The following LINGO2 variants were observed in gnomAD, a reference collection of about 807,000 sequenced individuals.
The protein encoded by LINGO2 is leucine-rich repeat and immunoglobulin-like domain-containing nogo receptor-interacting protein 2.
A neutral mutation model predicts 30.6 loss-of-function variants in LINGO2; 14 were observed. The observed-to-expected ratio is 0.46, with a 90% confidence interval of 0.30 to 0.72. The LOEUF is 0.72. Ranked by LOEUF, LINGO2 falls within the 30% of genes least tolerant of loss-of-function variation. The pLI is 0.07. For missense variants in LINGO2, 729 were observed against 751.7 expected (o/e 0.97, Z 0.35); for synonymous variants, 317 against 288.5 (o/e 1.10, Z -1.00).
At chr9:28,033,776 G>A (rs1423300451) in intron 4 of LINGO2, among the ~76,000 whole-genome samples, 10 of 152,162 alleles carry the variant, frequency 6.6e-5, no homozygotes, top group Admixed American at 2.0e-4. Context: ...TGCTAAATTC[G>A]TTAGGAAGAC....
chr9:28,766,698 T>G, the LINGO2 span, among the ~76,000 whole-genome samples: 1 of 151,456 alleles, frequency 6.6e-6, no homozygotes, highest in Admixed American at 6.6e-5. Context: ...AATGAATGGA[T>G]CAATACACTG....
intron 5 of LINGO2, among the ~76,000 whole-genome samples, chr9:28,001,403 A>G (rs527755641): frequency 1.3e-4 from 14 of 108,972 alleles, no homozygotes; most frequent in African/African-American, 3.8e-4. Flanking sequence ...ATCACAAGTT[A>G]TACAATAAGC....
intron 1 of LINGO2, among the ~76,000 whole-genome samples, chr9:28,530,560 TC>T (rs1486099008): frequency 6.6e-6 from 1 of 152,144 alleles, no homozygotes; most frequent in Non-Finnish European, 1.5e-5. Flanking sequence ...AAAGTGCACA[TC>T]CAAGAAACTA....
At chr9:29,131,613 T>C in the LINGO2 span, among the ~76,000 whole-genome samples, 1 of 152,100 alleles carries the variant, frequency 6.6e-6, no homozygotes, top group Non-Finnish European at 1.5e-5. Flanking sequence ...CCAGTATTAA[T>C]GTAAACAGAG....
chr9:28,332,312 C>T (rs771193339), intron 3 of LINGO2, among the ~76,000 whole-genome samples: 7 of 151,976 alleles, frequency 4.6e-5, no homozygotes, highest in African/African-American at 7.3e-5. Flanking sequence ...CTTTCAAAAC[C>T]GCAATTACTT....
At chr9:28,521,447 C>T (rs541881319) in intron 1 of LINGO2, among the ~76,000 whole-genome samples, 41 of 152,192 alleles carry the variant, frequency 2.7e-4, no homozygotes, top group African/African-American at 9.4e-4. Context: ...GGTTTGTAAG[C>T]CATTCACCAA....
chr9:28,516,690 C>T lies in LINGO2; in HGVS notation c.-364-40665G>A, dbSNP rs80353543. ...CAATATTTGATATTCTCATCAACAT[C>T]GCTGTTGTTGCAGTGTTACTGACAC... is the stretch of plus-strand genomic sequence containing the variant. On this transcript the variant is annotated intron_variant, in intron 1 of 5. Coordinates refer to ENST00000379992, the Ensembl canonical transcript of LINGO2. Among the ~76,000 whole-genome samples, 458 of 152,272 alleles carry T rather than the reference C, an allele frequency of 3.0e-3. 13 individuals are homozygous for T. In the East Asian group the frequency reaches 0.053, roughly 18 times the overall value.
At chr9:28,763,239 A>G in the LINGO2 span, among the ~76,000 whole-genome samples, 8 of 151,984 alleles carry the variant, frequency 5.3e-5, no homozygotes, top group Non-Finnish European at 4.4e-5. Flanking sequence ...CAGAGAATAC[A>G]CTCTTCCCAA....
intron 4 of LINGO2, among the ~76,000 whole-genome samples, chr9:28,060,690 T>C (rs1186188627): frequency 6.6e-6 from 1 of 152,092 alleles, no homozygotes; most frequent in Non-Finnish European, 1.5e-5. Context: ...TAAATGTAAG[T>C]GCAAAGAAGT....
At position 28,245,589 on chromosome 9, in the gene LINGO2, G is replaced by T. The variant is rs921473975; in HGVS notation, c.-87+49619C>A. 2.6e-5 allele frequency among the ~76,000 whole-genome samples: 4 copies of T among 152,244 alleles called. No homozygotes were observed. The South Asian group carries it at 6.2e-4, about 24-fold the overall frequency. On this transcript the variant is annotated intron_variant, in intron 4 of 5. Transcript: ENST00000379992. ...GCCCATAAGCTGATAAGCAATGTCA[G>T]CAAAGTCTCAGGATACAAAATCAAT...
chr9:29,199,345 T>A, the LINGO2 span, among the ~76,000 whole-genome samples: 10 of 152,180 alleles, frequency 6.6e-5, no homozygotes, highest in Non-Finnish European at 1.2e-4. Flanking sequence ...CAGCCAGAAA[T>A]TTTTTATAGC....
intron 5 of LINGO2, among the ~76,000 whole-genome samples, chr9:27,970,960 G>C (rs1197995651): frequency 6.6e-6 from 1 of 150,864 alleles, no homozygotes; most frequent in Non-Finnish European, 1.5e-5. Flanking sequence ...CATAAGGCAT[G>C]AGTTTCCCAA....
chr9:27,995,357 A>G (rs1821606904), intron 5 of LINGO2, among the ~76,000 whole-genome samples: 1 of 151,422 alleles, frequency 6.6e-6, no homozygotes, highest in African/African-American at 2.5e-5. Context: ...AAAAATTTAA[A>G]AAGAAATACT....
the LINGO2 span, among the ~76,000 whole-genome samples, chr9:28,779,685 T>A: frequency 6.6e-6 from 1 of 152,164 alleles, no homozygotes; most frequent in African/African-American, 2.4e-5. Context: ...AACAAGTGAA[T>A]GTAGGCCACA....
chr9:29,028,764 C>G, the LINGO2 span, among the ~76,000 whole-genome samples: 1 of 152,236 alleles, frequency 6.6e-6, no homozygotes, highest in African/African-American at 2.4e-5. Flanking sequence ...TCTGCCCCAG[C>G]TGACAGCTAT....
At chr9:28,720,766 G>C in the LINGO2 span, among the ~76,000 whole-genome samples, 3 of 151,970 alleles carry the variant, frequency 2.0e-5, no homozygotes, top group Non-Finnish European at 2.9e-5. Context: ...AATATGTGTG[G>C]TCCCTTCAAT....
the LINGO2 span, among the ~76,000 whole-genome samples, chr9:28,778,930 A>G: frequency 2.0e-5 from 3 of 152,284 alleles, no homozygotes; most frequent in South Asian, 2.1e-4. Context: ...TGGATTATCT[A>G]TATCTGTACA....
the LINGO2 span, among the ~76,000 whole-genome samples, chr9:28,748,049 C>T: frequency 6.6e-6 from 1 of 152,046 alleles, no homozygotes; most frequent in Non-Finnish European, 1.5e-5. Context: ...AGTAATTAAA[C>T]ATACTTGATT....
At chr9:29,052,555 T>C in the LINGO2 span, among the ~76,000 whole-genome samples, 1 of 152,196 alleles carries the variant, frequency 6.6e-6, no homozygotes. Context: ...TAAAAAATCA[T>C]GTAAGTTTTT....
Sources: allele counts gnomAD v4.1 joint callset (sites outside exome capture counted in the v4.1 genomes callset), GRCh38; gene constraint gnomAD v4.1.1; transcripts MANE v1.5; gene names NCBI Gene and HGNC (gene_info 2026-07-23, HGNC 2026-07-21).